Variants in EVI5 observed in about 807,000 individuals in gnomAD.
EVI5 encodes ecotropic viral integration site 5 protein homolog.
In EVI5, 73 loss-of-function variants were observed where a neutral mutation model predicts 112.0. The ratio of observed to expected loss-of-function variants is 0.65; its 90% CI spans 0.54 to 0.79. EVI5 has a LOEUF of 0.79. Ranked by LOEUF, EVI5 falls within the 30% of genes least tolerant of loss-of-function variation. The pLI is 0.00. For missense variants in EVI5, 900 were observed against 968.8 expected (o/e 0.93, Z 0.94); for synonymous variants, 305 against 319.9 (o/e 0.95, Z 0.50).
chr1:92,599,617 G>A (rs1648691819), intron 18 of EVI5, among the ~76,000 whole-genome samples: 1 of 151,898 alleles, frequency 6.6e-6, no homozygotes, highest in African/African-American at 2.4e-5. Context: ...CAAATTAACA[G>A]CAAGTTAGCC....
intron 19 of EVI5, among the ~76,000 whole-genome samples, chr1:92,521,622 C>T (rs939408923): frequency 2.7e-5 from 4 of 150,864 alleles, no homozygotes; most frequent in Non-Finnish European, 5.9e-5. Flanking sequence ...ACCCAGAAGG[C>T]GGAGGTTGCC....
At position 92,728,881 on chromosome 1, in the gene EVI5, C is replaced by T. The variant is rs562344958; in HGVS notation, c.149+7517G>A. 3.3e-5 allele frequency among the ~76,000 whole-genome samples: 5 copies of T among 152,246 alleles called. No homozygotes were observed. In the South Asian group the frequency reaches 1.0e-3, roughly 32 times the overall value. ...CAGTGTACCCATGCTGTATGTGCTA[C>T]CAGCTGGCTAATATTTAGTAACCAT... On this transcript the variant is annotated intron_variant, in intron 2 of 19. Coordinates refer to ENST00000684568, the MANE Select transcript of EVI5 (RefSeq NM_001350197.2).
chr1:92,753,408 A>G lies in EVI5; in HGVS notation c.-81-16781T>C, dbSNP rs534261303. Among the ~76,000 whole-genome samples the G allele has an allele frequency of 3.2e-3, 491 of 152,356 alleles. 3 individuals carry two copies. Among genetic ancestry groups the G allele is most frequent in the Non-Finnish European group, 3.3e-3 (225 of 68,030 alleles). On this transcript the variant is annotated intron_variant, in intron 1 of 19. Transcript: ENST00000684568. ...ATAAGGCAAGCCACAAATGCAAGCC[A>G]TATCAGTTAAGATTCTCTAGTAGCT...
At chr1:92,543,047 G>T (rs1052049563) in intron 19 of EVI5, among the ~76,000 whole-genome samples, 8 of 152,144 alleles carry the variant, frequency 5.3e-5, no homozygotes, top group African/African-American at 1.9e-4. Context: ...TCAACTTAAA[G>T]TCAACAGCTG....
chr1:92,608,778 C>A (rs538112116), intron 16 of EVI5, among the ~76,000 whole-genome samples: 1 of 151,780 alleles, frequency 6.6e-6, no homozygotes, highest in Non-Finnish European at 1.5e-5. Context: ...TCACACAATA[C>A]GGCATATGTG....
chr1:92,559,109 T>C (rs1668119711), intron 19 of EVI5, among the ~76,000 whole-genome samples: 2 of 152,166 alleles, frequency 1.3e-5, no homozygotes, highest in Admixed American at 1.3e-4. Context: ...TCAAATCATC[T>C]CTAGATAACT....
chr1:92,537,234 C>A (rs1664055265), intron 19 of EVI5, among the ~76,000 whole-genome samples: 1 of 152,094 alleles, frequency 6.6e-6, no homozygotes, highest in Non-Finnish European at 1.5e-5. Flanking sequence ...AAGTGAACTG[C>A]AAAACAGTTG....
chr1:92,778,383 G>A (rs1351681993), intron 1 of EVI5, among the ~76,000 whole-genome samples: 2 of 152,136 alleles, frequency 1.3e-5, no homozygotes, highest in Non-Finnish European at 2.9e-5. Flanking sequence ...GCTGCTGAGT[G>A]GCCCCACCCT....
chr1:92,673,373 C>G (rs140947786), intron 10 of EVI5, among the ~76,000 whole-genome samples: 1,951 of 151,878 alleles, frequency 0.013, 19 homozygotes, highest in Non-Finnish European at 0.019. Context: ...CTCTGCGTCC[C>G]GAAGCACAAA....
intron 16 of EVI5, among the ~76,000 whole-genome samples, chr1:92,612,684 T>C (rs1248103477): frequency 1.9e-5 from 2 of 105,468 alleles, no homozygotes; most frequent in Non-Finnish European, 3.5e-5. Context: ...CACTCCAGCC[T>C]GGGTGACAGA....
intron 18 of EVI5, among the ~76,000 whole-genome samples, chr1:92,589,246 T>G (rs959956268): frequency 1.3e-5 from 2 of 152,084 alleles, no homozygotes; most frequent in African/African-American, 4.8e-5. Context: ...TTCATCTCAC[T>G]GGGGATTGTC....
intron 13 of EVI5, 54 bp from the exon 14 acceptor site, chr1:92,636,390 C>CTTT: frequency 6.9e-7 from 1 of 1,441,474 alleles, no homozygotes; most frequent in Non-Finnish European, 9.6e-7. Context: ...CATGTATATA[C>CTTT]AATAAAAACA....
intron 1 of EVI5, among the ~76,000 whole-genome samples, chr1:92,767,424 C>T (rs565829106): frequency 6.6e-6 from 1 of 152,150 alleles, no homozygotes; most frequent in Non-Finnish European, 1.5e-5. Context: ...TTGGTCCCAT[C>T]CACAGTTTCA....
At chr1:92,582,538 T>C (rs1010880096) in intron 18 of EVI5, among the ~76,000 whole-genome samples, 2 of 151,864 alleles carry the variant, frequency 1.3e-5, no homozygotes, top group African/African-American at 2.4e-5. Flanking sequence ...AAAGCCTTAA[T>C]GTAGGAATGA....
chr1:92,639,714 T>C (rs923790075), intron 13 of EVI5, among the ~76,000 whole-genome samples: 6 of 152,208 alleles, frequency 3.9e-5, no homozygotes, highest in East Asian at 1.9e-4. Context: ...ATAGATTCAA[T>C]GCTATTCCCA....
chr1:92,754,651 C>G (rs1403338910), intron 1 of EVI5, among the ~76,000 whole-genome samples: 1 of 152,164 alleles, frequency 6.6e-6, no homozygotes, highest in African/African-American at 2.4e-5. Context: ...ACCATGTGGA[C>G]CTTTCCATAA....
intron 19 of EVI5, among the ~76,000 whole-genome samples, chr1:92,544,681 T>G (rs1252883632): frequency 3.9e-5 from 6 of 152,148 alleles, no homozygotes; most frequent in Admixed American, 3.3e-4. Context: ...AAATTATAAC[T>G]CCTGATAGAA....
At chr1:92,562,739 C>A (rs989154901) in intron 19 of EVI5, among the ~76,000 whole-genome samples, 1 of 152,134 alleles carries the variant, frequency 6.6e-6, no homozygotes. Flanking sequence ...AGACTGACTA[C>A]CTCCAGGAGG....
rs112224381 is a variant in EVI5 at position 92,574,185 on chromosome 1, G to A, written c.2071-10448C>T. 2.0e-4 allele frequency among the ~76,000 whole-genome samples: 31 copies of A among 152,248 alleles called. 1 individual carries two copies. The highest frequency in any genetic ancestry group is 7.5e-4 in the African/African-American group (31 of 41,568). On this transcript the variant is annotated intron_variant, in intron 18 of 19. Coordinates refer to ENST00000684568, the MANE Select transcript of EVI5 (RefSeq NM_001350197.2). ...TGTTTTATCCCTGCAATCATGGAGA[G>A]CTGTAATTAGAGAAAGGATGAAGAC...
Sources: gnomAD v4.1 joint callset for allele counts (sites outside exome capture counted in the v4.1 genomes callset) on GRCh38, gnomAD v4.1.1 for gene constraint, MANE v1.5 for transcripts, NCBI Gene and HGNC (gene_info 2026-07-23, HGNC 2026-07-21) for gene names.